The following ZMYM5 variants were observed in gnomAD, a reference collection of about 807,000 sequenced individuals.
ZMYM5 encodes zinc finger MYM-type containing 5.
In ZMYM5, 41 loss-of-function variants were observed where a neutral mutation model predicts 61.8. That is an observed-to-expected ratio of 0.66 (90% CI 0.52 to 0.86). The LOEUF is 0.86. ZMYM5 is among the 40% of genes least tolerant of loss of function. ZMYM5 has a pLI of 0.00. For synonymous variants in ZMYM5, 257 were observed against 276.4 expected, an observed-to-expected ratio of 0.93 and a Z score of 0.70; for missense variants, 706 against 786.7, an observed-to-expected ratio of 0.90 and a Z score of 1.23.
intron 2 of ZMYM5, among the ~76,000 whole-genome samples, chr13:19,855,659 C>T (rs1051329145): frequency 3.3e-5 from 5 of 151,706 alleles, no homozygotes; most frequent in Non-Finnish European, 7.4e-5. Context: ...CAGTCATCTA[C>T]CTTTAAAAAA....
At chr13:19,828,244 C>T (rs1242934395) in intron 7 of ZMYM5, among the ~76,000 whole-genome samples, 5 of 152,054 alleles carry the variant, frequency 3.3e-5, no homozygotes, top group African/African-American at 7.2e-5. Context: ...GAGGCCAAGG[C>T]GGGTGGATCA....
At chr13:19,848,317 A>G in intron 4 of ZMYM5, among the ~76,000 whole-genome samples, 1 of 151,684 alleles carries the variant, frequency 6.6e-6, no homozygotes, top group Non-Finnish European at 1.5e-5. Context: ...GTCTCACTCT[A>G]TTACCCAGGA....
At chr13:19,827,121 G>A (rs1890953758) in intron 7 of ZMYM5, among the ~76,000 whole-genome samples, 1 of 152,072 alleles carries the variant, frequency 6.6e-6, no homozygotes, top group African/African-American at 2.4e-5. Context: ...TAAATAGGGG[G>A]TTTATTTTGG....
intron 2 of ZMYM5, among the ~76,000 whole-genome samples, chr13:19,859,157 ACT>A (rs1020592303): frequency 6.6e-6 from 1 of 151,836 alleles, no homozygotes; most frequent in Non-Finnish European, 1.5e-5. Flanking sequence ...CCCCTCTCCT[ACT>A]TGATTCCCAG....
intron 7 of ZMYM5, among the ~76,000 whole-genome samples, chr13:19,826,653 G>A (rs2138475661): frequency 6.6e-6 from 1 of 151,834 alleles, no homozygotes; most frequent in South Asian, 2.1e-4. Flanking sequence ...TACTCGGGAG[G>A]CTGAGGCAGA....
At chr13:19,842,983 A>G (rs2138559494) in intron 4 of ZMYM5, among the ~76,000 whole-genome samples, 1 of 131,430 alleles carries the variant, frequency 7.6e-6, no homozygotes, top group East Asian at 2.0e-4. Flanking sequence ...AAAAAAAAAA[A>G]AAAGTTTTTT....
At position 19,851,462 on chromosome 13, in the gene ZMYM5, G is replaced by C; in HGVS notation, c.493-14C>G. 1 of 1,613,014 alleles carries C rather than the reference G, an allele frequency of 6.2e-7. No individual in the cohort carries two copies. Among genetic ancestry groups the C allele is most frequent in the Non-Finnish European group, 8.5e-7 (1 of 1,179,032 alleles). On this transcript the variant is annotated splice_polypyrimidine_tract_variant and intron_variant, in intron 3 of 7. Transcript: ENST00000337963. ...TCCAGTCTTGGTCTGTGGAGTTAAAGATGGGGTGTACGTTTGTATATTAAC... is the reference window on the plus strand; with the variant it reads ...TCCAGTCTTGGTCTGTGGAGTTAAACATGGGGTGTACGTTTGTATATTAAC...
At chr13:19,836,824 A>G (rs561717204) in intron 6 of ZMYM5, among the ~76,000 whole-genome samples, 2 of 152,116 alleles carry the variant, frequency 1.3e-5, no homozygotes, top group African/African-American at 4.8e-5. Flanking sequence ...AGACTTTTAT[A>G]AAGTGAGGAC....
chr13:19,851,652 C>G, intron 3 of ZMYM5, 37 bp downstream of exon 3: 3 of 1,553,258 alleles, frequency 1.9e-6, no homozygotes, highest in Non-Finnish European at 2.6e-6. Flanking sequence ...AGAGTCAATT[C>G]TGTAGTGATA....
At chr13:19,856,099 T>C (rs1593916822) in intron 2 of ZMYM5, among the ~76,000 whole-genome samples, 1 of 151,766 alleles carries the variant, frequency 6.6e-6, no homozygotes, top group Non-Finnish European at 1.5e-5. Context: ...AACTTAACCA[T>C]GAAAAACTTT....
chr13:19,833,665 G>A (rs1952589634), intron 7 of ZMYM5, among the ~76,000 whole-genome samples: 1 of 152,150 alleles, frequency 6.6e-6, no homozygotes, highest in South Asian at 2.1e-4. Flanking sequence ...AGAAGGAAAT[G>A]TAGGAAAATA....
At chr13:19,839,074 A>G in intron 4 of ZMYM5, 89 bp from the exon 5 acceptor site, 1 of 1,494,236 alleles carries the variant, frequency 6.7e-7, no homozygotes, top group Non-Finnish European at 9.0e-7. Context: ...AGTTTAAGAG[A>G]CAAGTGGGGC....
Position 19,837,583 on chromosome 13 carries a change from G to A in ZMYM5, c.1038+73C>T, listed in dbSNP as rs765163214. ...ACACGTGCATTATGTAGATGAAAGAGTACATAATAGCACTTAAAAGTTAAA... is the reference window on the plus strand; with the variant it reads ...ACACGTGCATTATGTAGATGAAAGAATACATAATAGCACTTAAAAGTTAAA... On this transcript the variant is annotated intron_variant, in intron 6 of 7. Coordinates refer to ENST00000337963, the MANE Select transcript of ZMYM5 (RefSeq NM_001142684.2). 1.9e-6 allele frequency: 3 copies of A among 1,607,086 alleles called. No individual in the cohort carries two copies. In the African/African-American group the frequency reaches 4.0e-5, roughly 22 times the overall value.
intron 7 of ZMYM5, among the ~76,000 whole-genome samples, chr13:19,830,294 G>A (rs1399160233): frequency 6.6e-6 from 1 of 152,112 alleles, no homozygotes; most frequent in Non-Finnish European, 1.5e-5. Context: ...ATGTGTTTGG[G>A]GTGGAGTGGG....
intron 7 of ZMYM5, among the ~76,000 whole-genome samples, chr13:19,829,789 G>T (rs1891113664): frequency 6.6e-6 from 1 of 152,014 alleles, no homozygotes; most frequent in Non-Finnish European, 1.5e-5. Context: ...TGATTCTTCG[G>T]TTATTTCCAA....
intron 7 of ZMYM5, among the ~76,000 whole-genome samples, chr13:19,827,447 A>T (rs1053324062): frequency 6.6e-6 from 1 of 152,188 alleles, no homozygotes; most frequent in Non-Finnish European, 1.5e-5. Flanking sequence ...TAATACAAAG[A>T]ACATTTTTAA....
chr13:19,839,236 A>G (rs1952780045), intron 4 of ZMYM5, among the ~76,000 whole-genome samples: 1 of 149,928 alleles, frequency 6.7e-6, no homozygotes, highest in Non-Finnish European at 1.5e-5. Flanking sequence ...TGTGGTAGCC[A>G]TCGGCTCTTA....
intron 4 of ZMYM5, among the ~76,000 whole-genome samples, chr13:19,847,604 A>G (rs1246911912): frequency 2.0e-5 from 3 of 151,924 alleles, no homozygotes; most frequent in Non-Finnish European, 4.4e-5. Context: ...TATGTTATAT[A>G]ATGGGTAATT....
chr13:19,825,948 C>T (rs1182376640), intron 7 of ZMYM5, among the ~76,000 whole-genome samples: 1 of 150,134 alleles, frequency 6.7e-6, no homozygotes, highest in Non-Finnish European at 1.5e-5. Flanking sequence ...GAGATTGAGA[C>T]ACAAGAGACC....
Sources: gnomAD v4.1 joint callset for allele counts (sites outside exome capture counted in the v4.1 genomes callset) on GRCh38, gnomAD v4.1.1 for gene constraint, MANE v1.5 for transcripts, NCBI Gene and HGNC (gene_info 2026-07-23, HGNC 2026-07-21) for gene names.